PRKCH: variants seen among roughly 807,000 people sequenced by gnomAD.
PRKCH encodes the protein protein kinase C eta type.
PRKCH carries 28 observed loss-of-function variants against 82.5 expected under a neutral mutation model. The ratio of observed to expected loss-of-function variants is 0.34; its 90% confidence interval spans 0.25 to 0.47. PRKCH has a LOEUF of 0.47. PRKCH is among the 20% of genes least tolerant of loss of function. PRKCH has a pLI of 1.00. For synonymous variants in PRKCH, 322 were observed against 327.4 expected, an observed-to-expected ratio of 0.98 and a Z score of 0.18; for missense variants, 705 against 881.8, an observed-to-expected ratio of 0.80 and a Z score of 2.54.
chr14:61,504,420 A>T (rs925367721), intron 10 of PRKCH, among the ~76,000 whole-genome samples: 8 of 152,028 alleles, frequency 5.3e-5, no homozygotes, highest in Non-Finnish European at 1.0e-4. Flanking sequence ...GAACTCCTGA[A>T]TTTAAGTCAT....
At chr14:61,231,978 C>T (rs2044748435) in intron 1 of PRKCH, among the ~76,000 whole-genome samples, 1 of 152,208 alleles carries the variant, frequency 6.6e-6, no homozygotes, top group South Asian at 2.1e-4. Context: ...TTCATTTCAA[C>T]TTGACACTCT....
At position 61,399,282 on chromosome 14, in the gene PRKCH, A is replaced by G. The variant is rs1195502520; in HGVS notation, c.427+7994A>G. 6.6e-5 allele frequency among the ~76,000 whole-genome samples: 10 copies of G among 152,324 alleles called. No individual in the cohort carries two copies. In the East Asian group the frequency reaches 1.9e-3, roughly 29 times the overall value. Reference sequence around the variant, plus strand: ...AGTTAAAAAGTAAAATAAAATGACAAATTTCAAGAATATCTGCTTCTTAAA... The same window carrying G: ...AGTTAAAAAGTAAAATAAAATGACAGATTTCAAGAATATCTGCTTCTTAAA... On this transcript the variant is annotated intron_variant, in intron 2 of 13. Coordinates refer to ENST00000332981, the MANE Select transcript of PRKCH (RefSeq NM_006255.5).
chr14:61,546,481 C>T (rs1566938301), intron 12 of PRKCH, among the ~76,000 whole-genome samples: 1 of 152,216 alleles, frequency 6.6e-6, no homozygotes, highest in Non-Finnish European at 1.5e-5. Flanking sequence ...AGGTATATCC[C>T]GTCAGGTTGC....
chr14:61,483,982 A>G (rs1886095456), intron 9 of PRKCH, among the ~76,000 whole-genome samples: 1 of 152,240 alleles, frequency 6.6e-6, no homozygotes, highest in African/African-American at 2.4e-5. Flanking sequence ...TCAAGGCTGC[A>G]GTGAGCCAAG....
chr14:61,244,977 AACT>A (rs942683936), intron 1 of PRKCH, among the ~76,000 whole-genome samples: 2 of 152,118 alleles, frequency 1.3e-5, no homozygotes, highest in African/African-American at 4.8e-5. Context: ...ACAAAAGCAA[AACT>A]TTGGTAAACC....
rs114586548 is a variant in PRKCH, at chr14:61,400,034, C to G, written c.427+8746C>G. Among the ~76,000 whole-genome samples the G allele has an allele frequency of 8.4e-3, 1,275 of 152,346 alleles. 30 individuals carry two copies. The highest frequency in any genetic ancestry group is 0.029 in the African/African-American group (1,202 of 41,576). On this transcript the variant is annotated intron_variant, in intron 2 of 13. Transcript: ENST00000332981. ...TTGAATTTTGGCATCTGCTTTTTCT[C>G]TCTACTAAGGCAGTGCACAATGGTG...
chr14:61,518,282 G>A lies in PRKCH; in HGVS notation c.1434-10793G>A, dbSNP rs191071352. On this transcript the variant is annotated intron_variant, in intron 10 of 13. Coordinates refer to ENST00000332981, the MANE Select transcript of PRKCH (RefSeq NM_006255.5). The stretch of plus-strand genomic sequence containing the variant: ...AAGCTGACCCGCTGCCAGGTATCAT[G>A]TCTGAGCATTTTGGCAAGGAGAGTC... Among the ~76,000 whole-genome samples, 223 of 152,238 alleles carry A rather than the reference G, an allele frequency of 1.5e-3. 1 individual carries two copies. The highest frequency in any genetic ancestry group is 0.014 in the Admixed American group (214 of 15,296).
chr14:61,433,183 A>G (rs1394612413), intron 2 of PRKCH, among the ~76,000 whole-genome samples: 1 of 152,214 alleles, frequency 6.6e-6, no homozygotes, highest in East Asian at 1.9e-4. Flanking sequence ...CAGCAGTTTT[A>G]AAAATCATGT....
At chr14:61,482,282 C>T (rs1886014240) in intron 9 of PRKCH, among the ~76,000 whole-genome samples, 1 of 152,180 alleles carries the variant, frequency 6.6e-6, no homozygotes, top group Non-Finnish European at 1.5e-5. Context: ...CAGGCATGAG[C>T]CACCACGCCT....
intron 2 of PRKCH, among the ~76,000 whole-genome samples, chr14:61,431,403 C>A (rs1459536108): frequency 1.3e-5 from 2 of 152,174 alleles, no homozygotes; most frequent in African/African-American, 4.8e-5. Flanking sequence ...CCCTCTTCCA[C>A]GTGTACTTTG....
chr14:61,364,919 C>G (rs573477096), intron 1 of PRKCH, among the ~76,000 whole-genome samples: 1 of 151,784 alleles, frequency 6.6e-6, no homozygotes, highest in Non-Finnish European at 1.5e-5. Context: ...GGAAGCAGTT[C>G]GTAGACCTGG....
At position 61,280,196 on chromosome 14, in the gene PRKCH, C is replaced by G; in HGVS notation, c.-19+92528C>G. 6.2e-7 allele frequency: 1 copy of G among 1,613,522 alleles called. No homozygotes were observed. The highest frequency in any genetic ancestry group is 8.5e-7 in the Non-Finnish European group (1 of 1,179,678). ...GAGCCGACGACCAGGTAGGCGATGC[C>G]CAGGAAGGGGTTCTTGCCACCCATC... On this transcript the variant is annotated intron_variant, in intron 1 of 3. Coordinates refer to the PRKCH transcript ENST00000555185. The surrounding 1 kb of genome is among the most constrained non-coding windows in gnomAD (Gnocchi z 5.0).
intron 2 of PRKCH, among the ~76,000 whole-genome samples, chr14:61,415,500 A>G (rs1485367729): frequency 2.0e-5 from 3 of 152,202 alleles, no homozygotes; most frequent in African/African-American, 7.2e-5. Context: ...GGATGAAGAT[A>G]TGTAATCAAT....
At chr14:61,445,998 T>TAA (rs1884202768) in intron 4 of PRKCH, among the ~76,000 whole-genome samples, 1 of 152,194 alleles carries the variant, frequency 6.6e-6, no homozygotes, top group Non-Finnish European at 1.5e-5. Context: ...ATGAGAGTAC[T>TAA]AAAAGGTAAT....
At chr14:61,445,574 C>T in intron 3 of PRKCH, 118 bp from the exon 4 acceptor site, 1 of 903,708 alleles carries the variant, frequency 1.1e-6, no homozygotes, top group Non-Finnish European at 1.8e-6. Flanking sequence ...ATCTTTGCTT[C>T]TTCCCTGAAA....
intron 10 of PRKCH, among the ~76,000 whole-genome samples, chr14:61,505,395 C>T (rs12888609): frequency 0.017 from 966 of 55,670 alleles, 5 homozygotes; most frequent in East Asian, 0.057. Flanking sequence ...CTTTTCTTTT[C>T]TTTTTTTTTT....
chr14:61,247,752 A>AAG (rs1471363009), intron 1 of PRKCH, among the ~76,000 whole-genome samples: 4 of 150,746 alleles, frequency 2.7e-5, no homozygotes, highest in Non-Finnish European at 5.9e-5. Flanking sequence ...AAAAAAAAAA[A>AAG]AAAAAAGAAA....
chr14:61,324,688 G>A (rs1272829458), intron 1 of PRKCH, among the ~76,000 whole-genome samples: 2 of 152,114 alleles, frequency 1.3e-5, no homozygotes, highest in African/African-American at 4.8e-5. Flanking sequence ...TGAACTTGTG[G>A]CCTCAAGCCA....
At chr14:61,229,609 C>T (rs145680182) in intron 1 of PRKCH, among the ~76,000 whole-genome samples, 48 of 152,186 alleles carry the variant, frequency 3.2e-4, no homozygotes, top group African/African-American at 1.1e-3. Flanking sequence ...AACCTGAGAC[C>T]GAAGGGAAGA....
Sources: allele counts gnomAD v4.1 joint callset (sites outside exome capture counted in the v4.1 genomes callset), GRCh38; gene constraint gnomAD v4.1.1; non-coding constraint Gnocchi (gnomAD v3.1); transcripts MANE v1.5; gene names NCBI Gene and HGNC (gene_info 2026-07-23, HGNC 2026-07-21).